Variants in ADAM12 observed in about 807,000 individuals in gnomAD.
The protein encoded by ADAM12 is disintegrin and metalloproteinase domain-containing protein 12.
Under a neutral mutation model 106.4 loss-of-function variants are expected in ADAM12, and 70 were observed. That is an observed-to-expected ratio of 0.66 (90% CI 0.54 to 0.80). ADAM12 has a LOEUF of 0.80. Among genes scored for constraint, ADAM12 ranks in the 30% least tolerant of loss-of-function variants. The pLI, the probability that ADAM12 is intolerant of heterozygous loss-of-function variation, is 0.00. For missense variants in ADAM12, 1,010 were observed against 1,171.9 expected, an observed-to-expected ratio of 0.86 and a Z score of 2.02; for synonymous variants, 420 against 433.5, an observed-to-expected ratio of 0.97 and a Z score of 0.39.
chr10:126,158,335 GAGGATGCACAGAGCATGA>G (rs1956859346), intron 3 of ADAM12, among the ~76,000 whole-genome samples: 1 of 150,656 alleles, frequency 6.6e-6, no homozygotes, highest in Admixed American at 6.6e-5. Flanking sequence ...GCATGGAGGG[GAGGATGCACAGAGCATGA>G]GGGATGCACA....
intron 3 of ADAM12, among the ~76,000 whole-genome samples, chr10:126,275,928 T>C (rs193139388): frequency 6.6e-6 from 1 of 152,332 alleles, no homozygotes; most frequent in East Asian, 1.9e-4. Flanking sequence ...ATGTCATGTG[T>C]ATAATTTTAA....
intron 3 of ADAM12, among the ~76,000 whole-genome samples, chr10:126,170,008 T>G (rs1957090484): frequency 2.0e-5 from 3 of 149,086 alleles, no homozygotes; most frequent in African/African-American, 7.8e-5. Flanking sequence ...CACAGAAAGC[T>G]GGATGCATTT....
chr10:126,200,041 C>T (rs1310173513), intron 3 of ADAM12, among the ~76,000 whole-genome samples: 8 of 152,156 alleles, frequency 5.3e-5, no homozygotes, highest in African/African-American at 1.7e-4. Context: ...ACACTAGTTA[C>T]CAGACAATTA....
Position 126,051,588 on chromosome 10 carries a change from T to TCCATCCATCCAG in ADAM12, c.1610-1920_1610-1919insCTGGATGGATGG, listed in dbSNP as rs1281562847. ...ATCCATCCATCCATCCATCCATCCATCCAGCCAGCCAGCCACCTGTCCATC... is the reference window on the plus strand; with the variant it reads ...ATCCATCCATCCATCCATCCATCCATCCATCCATCCAGCCAGCCAGCCAGCCACCTGTCCATC... On this transcript the variant is annotated intron_variant, in intron 14 of 22. Coordinates refer to ENST00000448723, the MANE Select transcript of ADAM12 (RefSeq NM_001288973.2). Among the ~76,000 whole-genome samples, 113 of 124,382 alleles carry TCCATCCATCCAG rather than the reference T, an allele frequency of 9.1e-4. 1 individual carries two copies. The highest frequency in any genetic ancestry group is 1.4e-3 in the South Asian group (5 of 3,452). 81.6% of individuals were successfully genotyped at this position (124,382 alleles called of 152,430 possible).
intron 1 of ADAM12, among the ~76,000 whole-genome samples, chr10:126,374,098 AG>A (rs1458353266): frequency 9.2e-5 from 14 of 152,248 alleles, no homozygotes; most frequent in African/African-American, 3.4e-4. Context: ...GTTTCGCAAG[AG>A]AAATAGAAAC....
intron 21 of ADAM12, among the ~76,000 whole-genome samples, chr10:126,025,441 G>A (rs531961130): frequency 1.2e-4 from 17 of 144,910 alleles, no homozygotes; most frequent in South Asian, 2.2e-4. Flanking sequence ...AAAAAATCTC[G>A]GAGCTTGAAG....
At chr10:126,276,778 T>C (rs985883121) in intron 3 of ADAM12, among the ~76,000 whole-genome samples, 15 of 152,238 alleles carry the variant, frequency 9.9e-5, no homozygotes, top group African/African-American at 3.6e-4. Context: ...TTTTCAACTT[T>C]TATAATTTTG....
At chr10:126,337,185 C>T (rs571802977) in intron 1 of ADAM12, among the ~76,000 whole-genome samples, 4 of 152,296 alleles carry the variant, frequency 2.6e-5, no homozygotes, top group Admixed American at 2.0e-4. Flanking sequence ...TGTCAAAGCC[C>T]GAAAGCCTCA....
At chr10:126,124,425 T>C (rs1335699180) in intron 5 of ADAM12, among the ~76,000 whole-genome samples, 1 of 152,034 alleles carries the variant, frequency 6.6e-6, no homozygotes, top group African/African-American at 2.4e-5. Flanking sequence ...TGTGAACTAC[T>C]CAGGTACAGT....
At chr10:126,037,285 C>CTTTTTT (rs34515487) in intron 20 of ADAM12, among the ~76,000 whole-genome samples, 32 of 136,308 alleles carry the variant, frequency 2.3e-4, no homozygotes, top group African/African-American at 8.0e-4. Flanking sequence ...TAAGGCTGTG[C>CTTTTTT]TTTTTTTTTT....
chr10:126,238,995 ATAGT>A (rs1027837607), intron 3 of ADAM12, among the ~76,000 whole-genome samples: 13 of 152,230 alleles, frequency 8.5e-5, no homozygotes, highest in Admixed American at 5.2e-4. Context: ...AGGGACTAAA[ATAGT>A]TAGGCCTCAG....
chr10:126,033,212 A>G (rs1057051345), intron 21 of ADAM12, among the ~76,000 whole-genome samples: 1 of 152,126 alleles, frequency 6.6e-6, no homozygotes, highest in Admixed American at 6.5e-5. Context: ...ACTGGCCACA[A>G]TGGGAAGTTT....
At chr10:126,356,892 T>C (rs1337180750) in intron 1 of ADAM12, among the ~76,000 whole-genome samples, 1 of 152,052 alleles carries the variant, frequency 6.6e-6, no homozygotes, top group Non-Finnish European at 1.5e-5. Flanking sequence ...TGCAAAAGAA[T>C]TGAAGCAGAT....
rs201321984 is a variant in ADAM12 at position 126,261,914 on chromosome 10, T to C, written c.260+17001A>G. ...GCCTCCCGGGTTCATGTCATTCTCC[T>C]GCCTCAGCCTCCCAGGATAGTATTT... On this transcript the variant is annotated intron_variant, in intron 3 of 22. Coordinates refer to ENST00000448723, the MANE Select transcript of ADAM12 (RefSeq NM_001288973.2). Among the ~76,000 whole-genome samples the C allele has an allele frequency of 7.8e-4, 119 of 152,006 alleles. 3 individuals carry two copies. The East Asian group carries it at 0.022, about 28-fold the overall frequency.
At chr10:126,310,645 T>C (rs1303704226) in intron 2 of ADAM12, among the ~76,000 whole-genome samples, 1 of 152,118 alleles carries the variant, frequency 6.6e-6, no homozygotes, top group African/African-American at 2.4e-5. Context: ...GGTAACAGTA[T>C]GGAAACTGGA....
chr10:126,305,445 C>T (rs1055293334), intron 2 of ADAM12, among the ~76,000 whole-genome samples: 4 of 152,054 alleles, frequency 2.6e-5, no homozygotes, highest in African/African-American at 4.8e-5. Flanking sequence ...ACAGATTGGT[C>T]GTTACTTGAA....
chr10:126,037,364 G>A (rs545103517), intron 20 of ADAM12, among the ~76,000 whole-genome samples: 14 of 149,710 alleles, frequency 9.4e-5, no homozygotes, highest in South Asian at 6.3e-4. Flanking sequence ...ACACAAAGCC[G>A]TTCTCGCTTA....
chr10:126,031,259 A>G (rs1039357308), intron 21 of ADAM12, among the ~76,000 whole-genome samples: 1 of 152,198 alleles, frequency 6.6e-6, no homozygotes, highest in African/African-American at 2.4e-5. Flanking sequence ...ATACTAACAA[A>G]TGGGTCTTCT....
At chr10:126,144,621 G>T (rs1469222654) in intron 4 of ADAM12, among the ~76,000 whole-genome samples, 1 of 152,128 alleles carries the variant, frequency 6.6e-6, no homozygotes, top group African/African-American at 2.4e-5. Flanking sequence ...GCACACGGGG[G>T]GGTTAGCAGG....
Sources: gnomAD v4.1 joint callset for allele counts (sites outside exome capture counted in the v4.1 genomes callset) on GRCh38, gnomAD v4.1.1 for gene constraint, MANE v1.5 for transcripts, NCBI Gene and HGNC (gene_info 2026-07-23, HGNC 2026-07-21) for gene names.